Variants in ALOX5 observed in about 807,000 individuals in gnomAD.
The protein encoded by ALOX5 is arachidonate 5-lipoxygenase.
In ALOX5, 64 loss-of-function variants were observed where a neutral mutation model predicts 87.9. The observed-to-expected ratio is 0.73, with a 90% confidence interval of 0.60 to 0.90. ALOX5 has a LOEUF of 0.90. Among genes scored for constraint, ALOX5 ranks in the 40% least tolerant of loss-of-function variants. The pLI is 0.00. For missense variants in ALOX5, 822 were observed against 907.5 expected, an observed-to-expected ratio of 0.91 and a Z score of 1.21; for synonymous variants, 388 against 355.1, an observed-to-expected ratio of 1.09 and a Z score of -1.04.
intron 2 of ALOX5, among the ~76,000 whole-genome samples, chr10:45,392,985 C>G (rs1460080903): frequency 3.3e-5 from 5 of 152,140 alleles, no homozygotes; most frequent in Admixed American, 3.3e-4. Flanking sequence ...CAGAAAAGTT[C>G]AGGACCAGAT....
At chr10:45,391,081 C>CCTCTCCCTCTT (rs1840223132) in intron 2 of ALOX5, among the ~76,000 whole-genome samples, 1 of 132,812 alleles carries the variant, frequency 7.5e-6, no homozygotes, top group African/African-American at 3.0e-5. Flanking sequence ...CCCACGGTCT[C>CCTCTCCCTCTT]CCTCTCCCTC....
At chr10:45,417,606 C>G (rs1841342529) in intron 4 of ALOX5, among the ~76,000 whole-genome samples, 1 of 152,138 alleles carries the variant, frequency 6.6e-6, no homozygotes, top group South Asian at 2.1e-4. Flanking sequence ...TTCTCAAGTG[C>G]TTGTATAATT....
intron 7 of ALOX5, among the ~76,000 whole-genome samples, chr10:45,439,442 C>A (rs1160575759): frequency 3.3e-5 from 5 of 152,206 alleles, no homozygotes; most frequent in African/African-American, 1.2e-4. Flanking sequence ...GCCCTGCCAC[C>A]CACCTCATTC....
chr10:45,397,132 C>T (rs535208589), intron 3 of ALOX5, among the ~76,000 whole-genome samples: 1 of 152,310 alleles, frequency 6.6e-6, no homozygotes, highest in Admixed American at 6.5e-5. Context: ...CCTGTAATCC[C>T]AGCACTTTGG....
intron 2 of ALOX5, among the ~76,000 whole-genome samples, chr10:45,392,088 G>A (rs1168970973): frequency 6.6e-6 from 1 of 151,056 alleles, no homozygotes; most frequent in Non-Finnish European, 1.5e-5. Context: ...GGAGGTGGGG[G>A]GGTCAGCCCC....
At position 45,445,596 on chromosome 10, in the gene ALOX5, T is replaced by C. The variant is rs746216545; in HGVS notation, c.1934T>C (p.Ile645Thr). ...CGATTCCGCAAGAACCTCGAGGCCATTGTCAGCGTGATTGCTGAGCGCAAC... is the reference window on the plus strand; with the variant it reads ...CGATTCCGCAAGAACCTCGAGGCCACTGTCAGCGTGATTGCTGAGCGCAAC... The part of the protein sequence containing the change: ...MARFRKNLEA[I>T]VSVIAERNKK... Residue 645 changes from isoleucine to threonine, a missense_variant, in exon 14 of 14, where the codon ATT becomes ACT. Physicochemically the swap from Ile to Thr is moderately conservative, Grantham distance 89 (BLOSUM62 -1). Coordinates refer to ENST00000374391, the MANE Select transcript of ALOX5 (RefSeq NM_000698.5). The C allele has an allele frequency of 5.0e-6, 8 of 1,614,042 alleles. No individual in the cohort carries two copies. The highest frequency in any genetic ancestry group is 6.8e-6 in the Non-Finnish European group (8 of 1,180,026).
chr10:45,409,509 G>GTC (rs71515351), intron 3 of ALOX5, among the ~76,000 whole-genome samples: 32,139 of 129,728 alleles, frequency 0.25, 4,861 homozygotes, highest in South Asian at 0.26. Flanking sequence ...CTGTCTGTCT[G>GTC]TCTCTCTCTC....
intron 4 of ALOX5, among the ~76,000 whole-genome samples, chr10:45,423,787 G>A (rs1049510073): frequency 6.6e-6 from 1 of 152,238 alleles, no homozygotes; most frequent in East Asian, 1.9e-4. Flanking sequence ...GAACACATGT[G>A]TGAATGGAAT....
In ALOX5 at chr10:45,443,261, C is replaced by T. The variant is rs373583247; in HGVS notation, c.1451+45C>T. On this transcript the variant is annotated intron_variant, in intron 10 of 13. Transcript: ENST00000374391. ...TGGTCCTGGGGGAGGAGCCGGGACC[C>T]CTGCCTGACTACCTGGGGCGGGCCT... The T allele has an allele frequency of 9.4e-6, 15 of 1,595,750 alleles. No individual in the cohort carries two copies. The African/African-American group carries it at 1.6e-4, about 17-fold the overall frequency.
chr10:45,379,966 C>T (rs1482167641), intron 1 of ALOX5, among the ~76,000 whole-genome samples: 2 of 152,104 alleles, frequency 1.3e-5, no homozygotes, highest in East Asian at 1.9e-4. Context: ...CAGCTAAGGC[C>T]TCTGTAAATC....
chr10:45,443,336 C>G, intron 10 of ALOX5, 80 bp from the exon 11 acceptor site: 1 of 1,585,890 alleles, frequency 6.3e-7, no homozygotes, highest in Non-Finnish European at 8.6e-7. Flanking sequence ...GGAGTCCCAG[C>G]GTCCGTGAGG....
At chr10:45,437,607 C>T (rs917245361) in intron 7 of ALOX5, among the ~76,000 whole-genome samples, 15 of 152,240 alleles carry the variant, frequency 9.9e-5, no homozygotes, top group Admixed American at 9.2e-4. Flanking sequence ...GCTGGACGTG[C>T]TCACAGGCAT....
chr10:45,419,668 C>G (rs1481856728), intron 4 of ALOX5, among the ~76,000 whole-genome samples: 2 of 152,212 alleles, frequency 1.3e-5, no homozygotes, highest in African/African-American at 2.4e-5. Context: ...TCGCTTGAGC[C>G]GGGGAGGTGG....
In ALOX5 at chr10:45,374,291, C is replaced by T. The variant is rs1194904661; in HGVS notation, c.12C>T (p.Tyr4=). The T allele has an allele frequency of 5.3e-6, 8 of 1,512,766 alleles. No individual in the cohort carries two copies. The highest frequency in any genetic ancestry group is 2.8e-5 in the East Asian group (1 of 35,310). 93.7% of individuals were successfully genotyped at this position (1,512,766 alleles called of 1,614,324 possible). Residue 4 remains tyrosine, a synonymous_variant, in exon 1 of 14, where the codon TAC becomes TAT. Coordinates refer to ENST00000374391, the MANE Select transcript of ALOX5 (RefSeq NM_000698.5). MPS[Y]TVTVATGSQW... ...CCGCGGCCCGCGCCATGCCCTCCTA[C>T]ACGGTCACCGTGGCCACTGGCAGCC...
At position 45,390,325 on chromosome 10, in the gene ALOX5, T is replaced by C. The variant is rs1247243164; in HGVS notation, c.350-5530T>C. On this transcript the variant is annotated intron_variant, in intron 2 of 13. Coordinates refer to ENST00000374391, the MANE Select transcript of ALOX5 (RefSeq NM_000698.5). ...AGGATATCCAGGAATTGAACTCAGCTCTCCAGCAAGCGGAGCTAATAGACA... is the reference window on the plus strand; with the variant it reads ...AGGATATCCAGGAATTGAACTCAGCCCTCCAGCAAGCGGAGCTAATAGACA... 2.6e-5 allele frequency among the ~76,000 whole-genome samples: 4 copies of C among 152,216 alleles called. No individual in the cohort carries two copies. The East Asian group carries it at 7.7e-4, about 29-fold the overall frequency.
chr10:45,408,151 C>G (rs571342283), intron 3 of ALOX5, among the ~76,000 whole-genome samples: 159 of 152,240 alleles, frequency 1.0e-3, no homozygotes, highest in African/African-American at 3.5e-3. Flanking sequence ...GCTTTCATGT[C>G]TGTTAATGAA....
At chr10:45,379,578 T>C (rs1413115784) in intron 1 of ALOX5, among the ~76,000 whole-genome samples, 1 of 152,154 alleles carries the variant, frequency 6.6e-6, no homozygotes, top group East Asian at 1.9e-4. Flanking sequence ...AGTCACGAAG[T>C]GGCCGTGACG....
chr10:45,406,971 T>C (rs1840908063), intron 3 of ALOX5, among the ~76,000 whole-genome samples: 1 of 152,250 alleles, frequency 6.6e-6, no homozygotes, highest in Non-Finnish European at 1.5e-5. Context: ...ATGCATATTC[T>C]TTGCTGTATT....
Position 45,445,831 on chromosome 10 carries a change from C to A in ALOX5, c.*144C>A. The A allele has an allele frequency of 2.3e-6, 2 of 881,924 alleles. No individual in the cohort carries two copies. The highest frequency in any genetic ancestry group is 3.4e-6 in the Non-Finnish European group (2 of 581,150). 54.6% of individuals were successfully genotyped at this position (881,924 alleles called of 1,614,324 possible). ...ACCTTTCCATTTATTCTTTGATCTT[C>A]AGGGAACTGCATAGATTGATCAAAG... On this transcript the variant is annotated 3_prime_UTR_variant, in exon 14 of 14. Coordinates refer to ENST00000374391, the MANE Select transcript of ALOX5 (RefSeq NM_000698.5).
Sources: allele counts gnomAD v4.1 joint callset (sites outside exome capture counted in the v4.1 genomes callset), GRCh38; gene constraint gnomAD v4.1.1; transcripts MANE v1.5; gene names NCBI Gene and HGNC (gene_info 2026-07-23, HGNC 2026-07-21).